RPS6KA2: variants seen among roughly 807,000 people sequenced by gnomAD.
RPS6KA2 encodes the protein ribosomal protein S6 kinase A2, also known as ribosomal protein S6 kinase alpha-2.
In RPS6KA2, 42 loss-of-function variants were observed where a neutral mutation model predicts 91.8. The ratio of observed to expected loss-of-function variants is 0.46; its 90% CI spans 0.36 to 0.59. The LOEUF (loss-of-function observed/expected upper bound fraction) is 0.59, where lower values mean the gene tolerates loss of function less well. Ranked by LOEUF, RPS6KA2 falls within the 20% of genes least tolerant of loss-of-function variation. The pLI is 0.00. For missense variants in RPS6KA2, 798 were observed against 978.5 expected, an observed-to-expected ratio of 0.82 and a Z score of 2.46; for synonymous variants, 414 against 393.6, an observed-to-expected ratio of 1.05 and a Z score of -0.61.
chr6:166,517,621 G>T (rs371347680), intron 3 of RPS6KA2, among the ~76,000 whole-genome samples: 3 of 151,260 alleles, frequency 2.0e-5, no homozygotes, highest in African/African-American at 7.3e-5. Flanking sequence ...GACTACAGGC[G>T]CCCGCCACCG....
At chr6:166,484,145 G>A (rs746040903) in intron 10 of RPS6KA2, among the ~76,000 whole-genome samples, 2 of 152,232 alleles carry the variant, frequency 1.3e-5, no homozygotes, top group Non-Finnish European at 2.9e-5. Context: ...GGAGCACCAA[G>A]GGTCAGGCTC....
intron 1 of RPS6KA2, among the ~76,000 whole-genome samples, chr6:166,591,523 C>A (rs1785353476): frequency 1.3e-5 from 2 of 152,104 alleles, no homozygotes; most frequent in Non-Finnish European, 2.9e-5. Flanking sequence ...TGGATGACCA[C>A]CTAATCCAAG....
chr6:166,486,832 G>A (rs1211488978), intron 10 of RPS6KA2, among the ~76,000 whole-genome samples: 2 of 148,758 alleles, frequency 1.3e-5, no homozygotes, highest in East Asian at 2.0e-4. Flanking sequence ...GGGGGACTTT[G>A]CCAATGTCAG....
At chr6:166,669,129 AG>A (rs1788401771) in intron 2 of RPS6KA2, among the ~76,000 whole-genome samples, 1 of 151,970 alleles carries the variant, frequency 6.6e-6, no homozygotes, top group African/African-American at 2.4e-5. Flanking sequence ...CCTGGCCTCA[AG>A]TGATCCGCCC....
rs535849157 is a variant in RPS6KA2, at chr6:166,503,904, T to C, written c.566+602A>G. On this transcript the variant is annotated intron_variant, in intron 6 of 20. Transcript: ENST00000265678. ...ACTGCCAAGGATATACAAATCTCAGTGGACTCTGGGTCTGAGAATTCTGGG... is the reference window on the plus strand; with the variant it reads ...ACTGCCAAGGATATACAAATCTCAGCGGACTCTGGGTCTGAGAATTCTGGG... Among the ~76,000 whole-genome samples the C allele has an allele frequency of 1.3e-4, 20 of 152,338 alleles. No individual in the cohort carries two copies. The South Asian group carries it at 4.1e-3, about 32-fold the overall frequency.
intron 2 of RPS6KA2, among the ~76,000 whole-genome samples, chr6:166,789,325 T>A (rs895612855): frequency 5.3e-5 from 8 of 152,218 alleles, no homozygotes; most frequent in African/African-American, 1.9e-4. Context: ...GCGCCCGCCA[T>A]TGCCCAGGTT....
chr6:166,830,093 C>G (rs184776342), intron 2 of RPS6KA2, among the ~76,000 whole-genome samples: 2 of 148,692 alleles, frequency 1.3e-5, no homozygotes. Flanking sequence ...CCATTGCACT[C>G]CAGCCTGGGC....
At chr6:166,839,701 A>AC (rs372000333) in intron 2 of RPS6KA2, among the ~76,000 whole-genome samples, 2 of 116,340 alleles carry the variant, frequency 1.7e-5, no homozygotes, top group Admixed American at 8.4e-5. Context: ...AGGGGAGGAG[A>AC]GGAGAGGAGA....
chr6:166,814,720 T>C (rs563189376), intron 2 of RPS6KA2, among the ~76,000 whole-genome samples: 23 of 152,336 alleles, frequency 1.5e-4, no homozygotes, highest in African/African-American at 5.3e-4. Flanking sequence ...CTGTTGTGAA[T>C]TGTGTATAGG....
chr6:166,607,975 A>G (rs1406551838), intron 1 of RPS6KA2, among the ~76,000 whole-genome samples: 2 of 151,856 alleles, frequency 1.3e-5, no homozygotes, highest in Admixed American at 1.3e-4. Flanking sequence ...GTGCCCCTGC[A>G]CTTCTGCCAG....
At chr6:166,702,495 A>T (rs1285849313) in intron 2 of RPS6KA2, 9 of 1,575,072 alleles carry the variant, frequency 5.7e-6, no homozygotes, top group Non-Finnish European at 7.9e-6. Flanking sequence ...TTTCCGAGTC[A>T]GTGTTCACTT....
intron 11 of RPS6KA2, among the ~76,000 whole-genome samples, chr6:166,469,325 TG>T (rs1475615639): frequency 3.9e-5 from 5 of 128,128 alleles, no homozygotes; most frequent in Non-Finnish European, 6.4e-5. Context: ...TCGGCACTGT[TG>T]TTTTTTTTTT....
chr6:166,512,372 T>A (rs76549417), intron 3 of RPS6KA2, among the ~76,000 whole-genome samples: 1,656 of 152,306 alleles, frequency 0.011, 27 homozygotes, highest in African/African-American at 0.036. Flanking sequence ...ATTTTGGGTA[T>A]AACATTGGTG....
At chr6:166,436,024 C>T (rs1779288566) in intron 14 of RPS6KA2, among the ~76,000 whole-genome samples, 1 of 152,240 alleles carries the variant, frequency 6.6e-6, no homozygotes, top group Non-Finnish European at 1.5e-5. Context: ...ACACCAGGCA[C>T]TCCTCTGGCT....
intron 2 of RPS6KA2, among the ~76,000 whole-genome samples, chr6:166,654,077 A>G (rs1052570187): frequency 6.6e-6 from 1 of 152,252 alleles, no homozygotes; most frequent in Non-Finnish European, 1.5e-5. Flanking sequence ...ATTCTGATCG[A>G]AAGTGAACTA....
chr6:166,566,928 T>C (rs1784522848), intron 1 of RPS6KA2, among the ~76,000 whole-genome samples: 1 of 152,222 alleles, frequency 6.6e-6, no homozygotes, highest in African/African-American at 2.4e-5. Flanking sequence ...AACAGGGATT[T>C]TCCCTCGGAC....
chr6:166,534,240 A>G (rs1423045359), intron 2 of RPS6KA2, among the ~76,000 whole-genome samples: 1 of 151,142 alleles, frequency 6.6e-6, no homozygotes, highest in African/African-American at 2.4e-5. Flanking sequence ...AAAAAAAAAA[A>G]AAAAAAGAAA....
intron 2 of RPS6KA2, among the ~76,000 whole-genome samples, chr6:166,776,991 A>T (rs992773154): frequency 6.6e-6 from 1 of 152,096 alleles, no homozygotes; most frequent in Non-Finnish European, 1.5e-5. Context: ...CTTTTGGAGA[A>T]ATGTCTACTT....
At chr6:166,790,330 A>G (rs1473775713) in intron 2 of RPS6KA2, among the ~76,000 whole-genome samples, 6 of 152,232 alleles carry the variant, frequency 3.9e-5, no homozygotes, top group Non-Finnish European at 2.9e-5. Flanking sequence ...ATAAAAAGAA[A>G]TGAACAAAGC....
Sources: gnomAD v4.1 joint callset for allele counts (sites outside exome capture counted in the v4.1 genomes callset) on GRCh38, gnomAD v4.1.1 for gene constraint, MANE v1.5 for transcripts, NCBI Gene and HGNC (gene_info 2026-07-23, HGNC 2026-07-21) for gene names.